Variants in PAPPA2 observed in about 807,000 individuals in gnomAD.
PAPPA2 encodes pappalysin 2, also known as pappalysin-2.
A neutral mutation model predicts 176.4 loss-of-function variants in PAPPA2; 86 were observed. The observed-to-expected ratio is 0.49, with a 90% confidence interval of 0.41 to 0.58. The LOEUF is 0.58. Ranked by LOEUF, PAPPA2 falls within the 20% of genes least tolerant of loss-of-function variation. PAPPA2 has a pLI of 0.00. For synonymous variants in PAPPA2, 809 were observed against 852.2 expected, an observed-to-expected ratio of 0.95 and a Z score of 0.88; for missense variants, 2,073 against 2,256.9, an observed-to-expected ratio of 0.92 and a Z score of 1.65.
chr1:176,756,882 G>A (rs747415420), intron 14 of PAPPA2, among the ~76,000 whole-genome samples: 3 of 152,036 alleles, frequency 2.0e-5, no homozygotes, highest in South Asian at 2.1e-4. Flanking sequence ...AAAAGGCCCC[G>A]GTGTGTGATG....
chr1:176,681,948 A>G (rs1256690634), intron 4 of PAPPA2, among the ~76,000 whole-genome samples: 1 of 152,088 alleles, frequency 6.6e-6, no homozygotes, highest in Non-Finnish European at 1.5e-5. Flanking sequence ...TACGGGTAGG[A>G]CCACTCCCTG....
chr1:176,625,489 A>G (rs1655954998), intron 3 of PAPPA2, among the ~76,000 whole-genome samples: 2 of 152,196 alleles, frequency 1.3e-5, no homozygotes, highest in Admixed American at 1.3e-4. Flanking sequence ...CAGTAAATAC[A>G]CAAATAGTCC....
At chr1:176,595,633 T>C in intron 3 of PAPPA2, 38 bp downstream of exon 3, 1 of 1,551,424 alleles carries the variant, frequency 6.4e-7, no homozygotes, top group South Asian at 1.2e-5. Flanking sequence ...ACTTGTAGGA[T>C]GCATTTCTAA....
Position 176,791,329 on chromosome 1 carries a change from T to C in PAPPA2, c.4885-18T>C, listed in dbSNP as rs1665167880. The C allele has an allele frequency of 6.2e-7, 1 of 1,602,296 alleles. No individual in the cohort carries two copies. Among genetic ancestry groups the C allele is most frequent in the Non-Finnish European group, 8.5e-7 (1 of 1,170,860 alleles). On this transcript the variant is annotated intron_variant, in intron 18 of 22. Coordinates refer to ENST00000367662, the MANE Select transcript of PAPPA2 (RefSeq NM_020318.3). ...GTTAACAAAACAATAATTAAGATGT[T>C]TACTTTTGATATTCTAGCTTCCCAT...
chr1:176,640,434 T>C (rs1464824339), intron 3 of PAPPA2, among the ~76,000 whole-genome samples: 2 of 148,598 alleles, frequency 1.3e-5, no homozygotes, highest in Admixed American at 1.4e-4. Context: ...TGAGTGAGAA[T>C]ATGTGGTGTT....
At chr1:176,639,434 A>G (rs1656938184) in intron 3 of PAPPA2, among the ~76,000 whole-genome samples, 1 of 152,098 alleles carries the variant, frequency 6.6e-6, no homozygotes, top group African/African-American at 2.4e-5. Flanking sequence ...GAATATTCTA[A>G]CTTAAATCTA....
chr1:176,699,406 CG>C lies in PAPPA2; in HGVS notation c.3058del (p.Val1020Ter). 1 of 1,614,064 alleles carries C rather than the reference CG, an allele frequency of 6.2e-7. No individual in the cohort carries two copies. The highest frequency in any genetic ancestry group is 8.5e-7 in the Non-Finnish European group (1 of 1,180,006). On this transcript the variant is annotated frameshift_variant, in exon 8 of 23. Coordinates refer to ENST00000367662, the MANE Select transcript of PAPPA2 (RefSeq NM_020318.3). LOFTEE classifies it high-confidence loss of function. ...AAACTGCACGTGGATGGGAAGGTGT[CG>C]GGGGTGAAAGTCTACACCTTTGATG... ...TIKLHVDGKV[S>X]GVKVYTFDER...
At chr1:176,504,360 T>C (rs1648130547) in intron 1 of PAPPA2, among the ~76,000 whole-genome samples, 1 of 152,178 alleles carries the variant, frequency 6.6e-6, no homozygotes, top group Non-Finnish European at 1.5e-5. Flanking sequence ...TTTAGAATAT[T>C]TCTATGCTAT....
At chr1:176,654,109 A>T (rs1000627252) in intron 3 of PAPPA2, among the ~76,000 whole-genome samples, 5 of 151,688 alleles carry the variant, frequency 3.3e-5, no homozygotes, top group African/African-American at 1.2e-4. Context: ...TTGAGATCAT[A>T]GTCATTCATA....
chr1:176,719,868 C>A (rs1329639749), intron 12 of PAPPA2, among the ~76,000 whole-genome samples: 1 of 152,092 alleles, frequency 6.6e-6, no homozygotes, highest in African/African-American at 2.4e-5. Context: ...AAAATGGTAA[C>A]GTAAGTATAC....
At chr1:176,521,596 A>G (rs1649218720) in intron 1 of PAPPA2, among the ~76,000 whole-genome samples, 1 of 152,176 alleles carries the variant, frequency 6.6e-6, no homozygotes, top group African/African-American at 2.4e-5. Flanking sequence ...TTATATAATA[A>G]CAGATAATCA....
intron 7 of PAPPA2, among the ~76,000 whole-genome samples, chr1:176,697,758 T>G (rs1660452668): frequency 3.3e-5 from 5 of 152,184 alleles, no homozygotes; most frequent in Admixed American, 3.3e-4. Flanking sequence ...CTACTTAATA[T>G]TATACTTTAT....
intron 2 of PAPPA2, among the ~76,000 whole-genome samples, chr1:176,587,423 G>A: frequency 6.6e-6 from 1 of 152,128 alleles, no homozygotes; most frequent in East Asian, 1.9e-4. Context: ...ATGGTTTGGG[G>A]TTTTACATTT....
intron 1 of PAPPA2, among the ~76,000 whole-genome samples, chr1:176,508,045 G>A (rs1408967513): frequency 6.6e-6 from 1 of 152,130 alleles, no homozygotes; most frequent in African/African-American, 2.4e-5. Context: ...TGCCTTCATA[G>A]TGGGGCTAAA....
chr1:176,572,914 A>G (rs558891009), intron 2 of PAPPA2, among the ~76,000 whole-genome samples: 2 of 152,370 alleles, frequency 1.3e-5, no homozygotes, highest in South Asian at 4.1e-4. Context: ...TTCTAAGGGT[A>G]GTATTAATTC....
At chr1:176,611,595 A>G (rs1654929589) in intron 3 of PAPPA2, among the ~76,000 whole-genome samples, 1 of 152,034 alleles carries the variant, frequency 6.6e-6, no homozygotes, top group South Asian at 2.1e-4. Flanking sequence ...ATAAAATCAC[A>G]TTTTTTTCTT....
At chr1:176,798,885 T>A (rs1665556150) in intron 20 of PAPPA2, among the ~76,000 whole-genome samples, 2 of 152,192 alleles carry the variant, frequency 1.3e-5, no homozygotes, top group Non-Finnish European at 2.9e-5. Context: ...CTAGAGAAGC[T>A]GTGAAGGAGG....
intron 1 of PAPPA2, among the ~76,000 whole-genome samples, chr1:176,483,009 G>A (rs142885119): frequency 1.3e-5 from 2 of 152,282 alleles, no homozygotes; most frequent in South Asian, 2.1e-4. Context: ...TAAAGGTGAC[G>A]GATGCCCTTT....
intron 1 of PAPPA2, among the ~76,000 whole-genome samples, chr1:176,502,375 A>G (rs760883353): frequency 4.6e-5 from 7 of 152,204 alleles, no homozygotes; most frequent in Non-Finnish European, 7.3e-5. Flanking sequence ...TATTCTCAGC[A>G]TTTCTGATGT....
Sources: gnomAD v4.1 joint callset for allele counts (sites outside exome capture counted in the v4.1 genomes callset) on GRCh38, gnomAD v4.1.1 for gene constraint, MANE v1.5 for transcripts, NCBI Gene and HGNC (gene_info 2026-07-23, HGNC 2026-07-21) for gene names.